HS3ST4: variants seen among roughly 807,000 people sequenced by gnomAD.
HS3ST4 encodes heparan sulfate glucosamine 3-O-sulfotransferase 4.
Under a neutral mutation model 29.2 loss-of-function variants are expected in HS3ST4, and 17 were observed. The ratio of observed to expected loss-of-function variants is 0.58; its 90% CI spans 0.40 to 0.87. HS3ST4 has a LOEUF of 0.87. HS3ST4 is among the 40% of genes least tolerant of loss of function. The probability of loss-of-function intolerance (pLI) is 0.00; values close to 1 mark genes in which losing one functional copy is unlikely to be tolerated. For missense variants in HS3ST4, 627 were observed against 634.5 expected, an observed-to-expected ratio of 0.99 and a Z score of 0.13; for synonymous variants, 314 against 285.7, an observed-to-expected ratio of 1.10 and a Z score of -1.00.
rs1375362254 is a variant in HS3ST4 at position 25,710,151 on chromosome 16, A to G, written c.734+17000A>G. On this transcript the variant is annotated intron_variant, in intron 1 of 1. Coordinates refer to ENST00000331351, the MANE Select transcript of HS3ST4 (RefSeq NM_006040.3). ...CTGCTTCTGTAAGACGTTTTAGGAA[A>G]ATAAATCAGTGTTCTGGAGAAGAAA... Among the ~76,000 whole-genome samples, 2 of 139,294 alleles carry G rather than the reference A, an allele frequency of 1.4e-5. 1 individual carries two copies. Among genetic ancestry groups the G allele is most frequent in the Non-Finnish European group, 2.9e-5 (2 of 67,886 alleles). 91.4% of individuals were successfully genotyped at this position (139,294 alleles called of 152,430 possible). A position where few individuals can be genotyped will look rare whatever the true frequency, so the allele number is the denominator to read the frequency against.
intron 1 of HS3ST4, among the ~76,000 whole-genome samples, chr16:25,826,730 G>A (rs1055907267): frequency 6.6e-6 from 1 of 152,154 alleles, no homozygotes; most frequent in African/African-American, 2.4e-5. Context: ...TCGTCAAGTT[G>A]GAGGGATAGG....
intron 1 of HS3ST4, among the ~76,000 whole-genome samples, chr16:25,701,462 A>G (rs1490739444): frequency 6.6e-6 from 1 of 152,138 alleles, no homozygotes; most frequent in African/African-American, 2.4e-5. Context: ...TAGTTTCCCC[A>G]TAGAGAAAGA....
intron 1 of HS3ST4, among the ~76,000 whole-genome samples, chr16:25,937,174 A>C (rs1301416398): frequency 2.0e-5 from 3 of 151,992 alleles, no homozygotes; most frequent in Non-Finnish European, 4.4e-5. Context: ...CATCTGTCCA[A>C]CTGGTTGCCA....
At chr16:25,864,997 C>G (rs929712186) in intron 1 of HS3ST4, among the ~76,000 whole-genome samples, 3 of 137,082 alleles carry the variant, frequency 2.2e-5, no homozygotes, top group Non-Finnish European at 4.9e-5. Context: ...CACACTCACA[C>G]ACACAAACAC....
At chr16:25,741,394 G>A (rs1021094628) in intron 1 of HS3ST4, among the ~76,000 whole-genome samples, 38 of 127,994 alleles carry the variant, frequency 3.0e-4, no homozygotes, top group Admixed American at 3.0e-4. Flanking sequence ...AAAAAAAGGC[G>A]GGGGGAGGAG....
intron 1 of HS3ST4, among the ~76,000 whole-genome samples, chr16:25,780,004 G>A (rs955786884): frequency 2.6e-5 from 4 of 152,176 alleles, no homozygotes; most frequent in Non-Finnish European, 4.4e-5. Context: ...TCTTCGTAAC[G>A]TGAGTGATGA....
chr16:25,767,620 C>T (rs1458016057), intron 1 of HS3ST4, among the ~76,000 whole-genome samples: 20 of 152,188 alleles, frequency 1.3e-4, no homozygotes, highest in Admixed American at 1.2e-3. Context: ...AACACAGGTA[C>T]AGGCCATTTT....
chr16:25,903,302 G>GTGTGTGTGTGTGTGTGTATATTATATACA (rs151301516), intron 1 of HS3ST4, among the ~76,000 whole-genome samples: 2 of 103,498 alleles, frequency 1.9e-5, no homozygotes, highest in Non-Finnish European at 4.0e-5. Flanking sequence ...GTGTGTGTGT[G>GTGTGTGTGTGTGTGTGTATATTATATACA]TATGTATATG....
intron 1 of HS3ST4, among the ~76,000 whole-genome samples, chr16:26,114,290 T>C (rs1899173382): frequency 6.6e-6 from 1 of 152,154 alleles, no homozygotes; most frequent in Non-Finnish European, 1.5e-5. Context: ...TTTTTCCCTC[T>C]CATATTTCTG....
intron 1 of HS3ST4, among the ~76,000 whole-genome samples, chr16:25,899,329 T>C (rs535110379): frequency 2.0e-5 from 3 of 152,196 alleles, no homozygotes; most frequent in Non-Finnish European, 4.4e-5. Context: ...CATTATTAGG[T>C]GGCTAACCCA....
intron 1 of HS3ST4, among the ~76,000 whole-genome samples, chr16:26,106,960 G>A (rs1899065362): frequency 6.6e-6 from 1 of 152,058 alleles, no homozygotes; most frequent in African/African-American, 2.4e-5. Context: ...CTGTCCTGTG[G>A]CCTCTTTGGC....
At chr16:25,850,631 C>T (rs1281002060) in intron 1 of HS3ST4, among the ~76,000 whole-genome samples, 1 of 152,202 alleles carries the variant, frequency 6.6e-6, no homozygotes, top group Non-Finnish European at 1.5e-5. Flanking sequence ...CCACAGCTCT[C>T]CCCAAAACAA....
intron 1 of HS3ST4, among the ~76,000 whole-genome samples, chr16:25,716,987 G>A (rs1401044218): frequency 6.6e-6 from 1 of 152,060 alleles, no homozygotes; most frequent in African/African-American, 2.4e-5. Context: ...CTGGGAGGTG[G>A]AGGTCACAGT....
chr16:26,087,587 C>T (rs1898805377), intron 1 of HS3ST4, among the ~76,000 whole-genome samples: 1 of 152,108 alleles, frequency 6.6e-6, no homozygotes, highest in South Asian at 2.1e-4. Flanking sequence ...CTATCTCCAC[C>T]ACTATAGGCT....
intron 1 of HS3ST4, among the ~76,000 whole-genome samples, chr16:25,971,450 T>A (rs1968896357): frequency 6.6e-6 from 1 of 152,172 alleles, no homozygotes. Context: ...AGGCTACTTT[T>A]TAGTAAAATG....
intron 1 of HS3ST4, chr16:25,933,502 G>T: frequency 2.2e-6 from 1 of 451,110 alleles, no homozygotes; most frequent in South Asian, 1.6e-5. Context: ...ATGCCACAGC[G>T]AGAGTAGGCC....
rs145121712 is a variant in HS3ST4 at position 26,011,005 on chromosome 16, CCA to C, written c.735-124602_735-124601del. ...AAATGAGCTAACGTATGAGAGTGCT[CCA>C]CACAGTGTTCTGCCTATACCTTAAG... On this transcript the variant is annotated intron_variant, in intron 1 of 1. Transcript: ENST00000331351. Among the ~76,000 whole-genome samples the C allele has an allele frequency of 1.8e-3, 279 of 152,234 alleles. 1 individual carries two copies. The highest frequency in any genetic ancestry group is 6.5e-3 in the African/African-American group (271 of 41,528).
intron 1 of HS3ST4, among the ~76,000 whole-genome samples, chr16:26,037,969 G>C (rs956263149): frequency 6.6e-6 from 1 of 152,178 alleles, no homozygotes. Flanking sequence ...CAGGCCACTT[G>C]CCGGGTCAAA....
At chr16:25,756,469 A>G (rs948249349) in intron 1 of HS3ST4, among the ~76,000 whole-genome samples, 1 of 152,194 alleles carries the variant, frequency 6.6e-6, no homozygotes, top group Non-Finnish European at 1.5e-5. Context: ...CAGTGGCTGG[A>G]GGAGTTGAGA....
Sources: allele counts gnomAD v4.1 joint callset (sites outside exome capture counted in the v4.1 genomes callset), GRCh38; gene constraint gnomAD v4.1.1; transcripts MANE v1.5; gene names NCBI Gene and HGNC (gene_info 2026-07-23, HGNC 2026-07-21).